Variants in ASIC2 observed in about 807,000 individuals in gnomAD.
ASIC2 encodes the protein acid-sensing ion channel 2.
ASIC2 carries 25 observed loss-of-function variants against 57.3 expected under a neutral mutation model. The ratio of observed to expected loss-of-function variants is 0.44; its 90% CI spans 0.32 to 0.61. The LOEUF is 0.61. ASIC2 is among the 20% of genes least tolerant of loss of function. The pLI, the probability that ASIC2 is intolerant of heterozygous loss-of-function variation, is 0.06. For synonymous variants in ASIC2, 319 were observed against 307.5 expected (o/e 1.04, Z -0.39); for missense variants, 641 against 738.1 (o/e 0.87, Z 1.52).
At chr17:33,658,331 G>A (rs780973674) in intron 1 of ASIC2, among the ~76,000 whole-genome samples, 1 of 152,206 alleles carries the variant, frequency 6.6e-6, no homozygotes, top group African/African-American at 2.4e-5. Flanking sequence ...AATGGGGAAA[G>A]TTTGTGCAGT....
chr17:33,335,991 T>C (rs2142231276), intron 1 of ASIC2, among the ~76,000 whole-genome samples: 1 of 152,204 alleles, frequency 6.6e-6, no homozygotes, highest in African/African-American at 2.4e-5. Context: ...TCTCTCACCC[T>C]CCCCTTCTCC....
intron 1 of ASIC2, among the ~76,000 whole-genome samples, chr17:33,981,949 T>C (rs1372013738): frequency 1.3e-5 from 2 of 152,154 alleles, no homozygotes; most frequent in Non-Finnish European, 2.9e-5. Flanking sequence ...TAACCACTAC[T>C]ATCAGGGAGA....
chr17:34,057,844 A>T (rs1237284884), intron 1 of ASIC2, among the ~76,000 whole-genome samples: 1 of 152,158 alleles, frequency 6.6e-6, no homozygotes, highest in Non-Finnish European at 1.5e-5. Context: ...CCTGTGATAG[A>T]ACCAAAGTCT....
chr17:33,826,172 A>G (rs1463469365), intron 1 of ASIC2, among the ~76,000 whole-genome samples: 1 of 152,218 alleles, frequency 6.6e-6, no homozygotes. Flanking sequence ...GATACAATAC[A>G]GTTTCAAGGT....
chr17:33,297,660 A>G (rs1905771549), upstream of ASIC2, among the ~76,000 whole-genome samples: 1 of 151,816 alleles, frequency 6.6e-6, no homozygotes. Flanking sequence ...CTGTCTCTAC[A>G]AAAAACACAA....
At chr17:33,449,442 T>C (rs1412139124) in intron 1 of ASIC2, among the ~76,000 whole-genome samples, 1 of 152,192 alleles carries the variant, frequency 6.6e-6, no homozygotes, top group Non-Finnish European at 1.5e-5. Flanking sequence ...TATCACCTGT[T>C]TGCTTCTTGT....
intron 1 of ASIC2, among the ~76,000 whole-genome samples, chr17:33,115,815 G>A (rs544502917): frequency 2.6e-5 from 4 of 152,216 alleles, no homozygotes; most frequent in Non-Finnish European, 5.9e-5. Flanking sequence ...CTTCGAGAGG[G>A]CAGGAACTGT....
chr17:33,667,255 C>T (rs535339777), intron 1 of ASIC2, among the ~76,000 whole-genome samples: 50 of 152,106 alleles, frequency 3.3e-4, no homozygotes, highest in Non-Finnish European at 6.5e-4. Context: ...GTGGTTGGCA[C>T]GGGTTCTAGA....
intron 1 of ASIC2, among the ~76,000 whole-genome samples, chr17:33,255,128 C>T (rs1043272038): frequency 6.6e-6 from 1 of 150,478 alleles, no homozygotes; most frequent in African/African-American, 2.5e-5. Context: ...AAACCTCCAC[C>T]TCTTGGATTC....
chr17:33,322,049 C>A (rs186784029), intron 1 of ASIC2, among the ~76,000 whole-genome samples: 179 of 152,300 alleles, frequency 1.2e-3, no homozygotes, highest in Non-Finnish European at 1.9e-3. Flanking sequence ...TGTTCCACCC[C>A]TAGAGAGTGA....
chr17:33,077,817 T>C (rs969856346), intron 3 of ASIC2, among the ~76,000 whole-genome samples: 1 of 152,134 alleles, frequency 6.6e-6, no homozygotes, highest in Non-Finnish European at 1.5e-5. Context: ...CCCTTACCCT[T>C]GTCAAGGGAG....
intron 1 of ASIC2, among the ~76,000 whole-genome samples, chr17:33,585,224 G>A (rs975741293): frequency 6.6e-6 from 1 of 152,164 alleles, no homozygotes; most frequent in African/African-American, 2.4e-5. Flanking sequence ...CCTTGAATCA[G>A]GGCAAGAGCC....
intron 1 of ASIC2, among the ~76,000 whole-genome samples, chr17:33,683,999 ACAGT>A (rs1350448395): frequency 2.6e-5 from 4 of 152,340 alleles, no homozygotes; most frequent in East Asian, 1.9e-4. Flanking sequence ...TAACCCAATA[ACAGT>A]CAGCTTGATA....
chr17:33,536,091 G>A lies in ASIC2; in HGVS notation c.556-424024C>T, dbSNP rs554991679. Among the ~76,000 whole-genome samples the A allele has an allele frequency of 5.3e-5, 8 of 152,350 alleles. No individual in the cohort carries two copies. The South Asian group carries it at 1.2e-3, about 24-fold the overall frequency. ...ATGTTCTCCTTATTCCCTAGCCCAA[G>A]AGCAAAAGTGTGTTGGTATTTTTTT... On this transcript the variant is annotated intron_variant, in intron 1 of 9. Transcript: ENST00000359872.
At chr17:33,044,758 T>G (rs1227035056) in intron 3 of ASIC2, among the ~76,000 whole-genome samples, 1 of 152,216 alleles carries the variant, frequency 6.6e-6, no homozygotes, top group African/African-American at 2.4e-5. Context: ...CCCATGGGGT[T>G]TAGTCTAAAA....
chr17:33,746,446 G>A (rs1294481773), intron 1 of ASIC2, among the ~76,000 whole-genome samples: 2 of 148,910 alleles, frequency 1.3e-5, no homozygotes, highest in Non-Finnish European at 3.0e-5. Context: ...GTATATATGT[G>A]TATATATGTG....
intron 1 of ASIC2, among the ~76,000 whole-genome samples, chr17:33,393,379 T>A (rs1909967852): frequency 6.6e-6 from 1 of 152,080 alleles, no homozygotes; most frequent in Non-Finnish European, 1.5e-5. Flanking sequence ...CTGTTTGGAA[T>A]GCTCTTCCTT....
intron 1 of ASIC2, among the ~76,000 whole-genome samples, chr17:33,331,585 G>A (rs1188157786): frequency 6.6e-6 from 1 of 151,946 alleles, no homozygotes; most frequent in Non-Finnish European, 1.5e-5. Flanking sequence ...ACATTTTTTG[G>A]GCCTGCACTT....
At chr17:33,577,978 G>A (rs1916690024) in intron 1 of ASIC2, among the ~76,000 whole-genome samples, 1 of 151,930 alleles carries the variant, frequency 6.6e-6, no homozygotes, top group South Asian at 2.1e-4. Context: ...CGCTTCTGTT[G>A]CTTACTTGGG....
Sources: allele counts gnomAD v4.1 joint callset (sites outside exome capture counted in the v4.1 genomes callset), GRCh38; gene constraint gnomAD v4.1.1; transcripts MANE v1.5; gene names NCBI Gene and HGNC (gene_info 2026-07-23, HGNC 2026-07-21).